The following STAB2 variants were observed in gnomAD, a reference collection of about 807,000 sequenced individuals.
STAB2 encodes stabilin 2.
In STAB2, 288 loss-of-function variants were observed where a neutral mutation model predicts 338.1. The ratio of observed to expected loss-of-function variants is 0.85; its 90% CI spans 0.77 to 0.94. The LOEUF (loss-of-function observed/expected upper bound fraction) is 0.94. Among genes scored for constraint, STAB2 ranks in the 40% least tolerant of loss-of-function variants. STAB2 has a pLI of 0.00. For missense variants in STAB2, 3,141 were observed against 3,210.1 expected (o/e 0.98, Z 0.52); for synonymous variants, 1,202 against 1,193.3 (o/e 1.01, Z -0.15).
At chr12:103,628,653 C>G (rs1407324952) in intron 5 of STAB2, among the ~76,000 whole-genome samples, 3 of 152,168 alleles carry the variant, frequency 2.0e-5, no homozygotes, top group Admixed American at 1.3e-4. Context: ...TCTCGGCCTC[C>G]CTCTTCACAT....
At chr12:103,666,108 G>A (rs546261779) in intron 18 of STAB2, among the ~76,000 whole-genome samples, 183 bp from the exon 19 acceptor site, 1 of 152,340 alleles carries the variant, frequency 6.6e-6, no homozygotes, top group African/African-American at 2.4e-5. Flanking sequence ...CCCACCCCCA[G>A]CGCTGACTTC....
intron 63 of STAB2, chr12:103,757,946 G>A (rs1884257554): frequency 1.7e-6 from 1 of 588,032 alleles, no homozygotes. Flanking sequence ...CGTGGAGGAT[G>A]GGCTGTGACG....
At chr12:103,732,116 C>T (rs1023952194) in intron 50 of STAB2, among the ~76,000 whole-genome samples, 8 of 152,084 alleles carry the variant, frequency 5.3e-5, no homozygotes, top group African/African-American at 1.9e-4. Context: ...TGATACCAGC[C>T]TGGCTAACAT....
chr12:103,672,988 G>A (rs961318072), intron 22 of STAB2, among the ~76,000 whole-genome samples: 6 of 152,106 alleles, frequency 3.9e-5, no homozygotes, highest in African/African-American at 1.4e-4. Flanking sequence ...GAAAAATGGG[G>A]GATATAAAAG....
rs889178151 is a variant in STAB2 at position 103,645,577 on chromosome 12, T to C, written c.1041-3113T>C. On this transcript the variant is annotated intron_variant, in intron 9 of 68. Transcript: ENST00000388887. ...TTATAGTAGGATTAATTTTTAAGAA[T>C]GACTGTTGTCTTATGTCACTTCCCA... Among the ~76,000 whole-genome samples the C allele has an allele frequency of 2.0e-5, 3 of 152,256 alleles. No homozygotes were observed. In the South Asian group the frequency reaches 6.2e-4, roughly 31 times the overall value.
intron 53 of STAB2, 55 bp downstream of exon 53, chr12:103,737,835 T>C (rs1882281984): frequency 2.5e-6 from 4 of 1,606,890 alleles, no homozygotes; most frequent in Admixed American, 3.4e-5. Context: ...AGAATGGCCC[T>C]CATGATCCAG....
intron 17 of STAB2, 96 bp from the exon 18 acceptor site, chr12:103,662,750 T>G: frequency 2.0e-6 from 3 of 1,470,172 alleles, no homozygotes; most frequent in South Asian, 1.4e-5. Flanking sequence ...TGAGGACTTT[T>G]TAGCAAAGTT....
chr12:103,734,581 G>C (rs1298568751), intron 51 of STAB2, among the ~76,000 whole-genome samples: 1 of 152,224 alleles, frequency 6.6e-6, no homozygotes. Context: ...GCCATCCTGA[G>C]TCCTCATCCA....
chr12:103,598,566 T>C (rs1273148694), intron 3 of STAB2, among the ~76,000 whole-genome samples: 1 of 152,220 alleles, frequency 6.6e-6, no homozygotes, highest in Admixed American at 6.5e-5. Context: ...AATGTCAATT[T>C]TACCATAGTT....
At chr12:103,669,844 C>T (rs1875573343) in intron 21 of STAB2, among the ~76,000 whole-genome samples, 1 of 152,176 alleles carries the variant, frequency 6.6e-6, no homozygotes, top group Non-Finnish European at 1.5e-5. Flanking sequence ...GTCTGCTTCT[C>T]TATTGCGGGC....
intron 36 of STAB2, 38 bp downstream of exon 36, chr12:103,704,652 A>G: frequency 1.3e-6 from 2 of 1,580,612 alleles, no homozygotes; most frequent in African/African-American, 2.7e-5. Context: ...TAGTTTCCAG[A>G]TCCGAGGAGT....
intron 3 of STAB2, among the ~76,000 whole-genome samples, chr12:103,604,092 C>T (rs1956991916): frequency 6.6e-6 from 1 of 152,066 alleles, no homozygotes; most frequent in South Asian, 2.1e-4. Context: ...TTGATGTGTT[C>T]TAATAACTTT....
chr12:103,728,721 A>G, intron 47 of STAB2, 128 bp from the exon 48 acceptor site: 1 of 1,198,400 alleles, frequency 8.3e-7, no homozygotes, highest in Non-Finnish European at 1.2e-6. Context: ...CTGACCACAA[A>G]GCTTACTTCC....
chr12:103,693,039 A>G, intron 31 of STAB2, 150 bp downstream of exon 31: 2 of 553,326 alleles, frequency 3.6e-6, no homozygotes, highest in Non-Finnish European at 6.3e-6. Flanking sequence ...TTTTAAAACC[A>G]TCAAGAGAGT....
Position 103,761,379 on chromosome 12 carries a change from C to T in STAB2, c.7328C>T (p.Ser2443Phe), listed in dbSNP as rs987752156. The change falls in exon 66 of 69, where the codon TCC becomes TTC. Residue 2443 changes from serine (S) to phenylalanine (F), a missense_variant. Coordinates refer to ENST00000388887, the MANE Select transcript of STAB2 (RefSeq NM_017564.10). ...FASNGIIHVI[S>F]RPLKAPPAPV... is the part of the protein sequence containing the mutation. Reference sequence around the variant, plus strand: ...TCCAATGGGATCATTCATGTCATTTCCAGGCCTTTAAAAGCACCCCCTGCC... The same window carrying T: ...TCCAATGGGATCATTCATGTCATTTTCAGGCCTTTAAAAGCACCCCCTGCC... 2 of 1,613,858 alleles carry T rather than the reference C, an allele frequency of 1.2e-6. No individual in the cohort carries two copies. The highest frequency in any genetic ancestry group is 1.3e-5 in the African/African-American group (1 of 74,868).
At chr12:103,701,748 C>G (rs912037113) in intron 34 of STAB2, among the ~76,000 whole-genome samples, 1 of 152,104 alleles carries the variant, frequency 6.6e-6, no homozygotes, top group African/African-American at 2.4e-5. Context: ...CCTTGGAACA[C>G]CTCTGTGGAG....
At chr12:103,735,878 T>C (rs1202342478) in intron 52 of STAB2, among the ~76,000 whole-genome samples, 1 of 152,170 alleles carries the variant, frequency 6.6e-6, no homozygotes, top group Admixed American at 6.5e-5. Context: ...CAATGTGAGA[T>C]ACTTTCCTGA....
At chr12:103,639,385 C>T (rs1057476272) in intron 8 of STAB2, among the ~76,000 whole-genome samples, 7 of 152,070 alleles carry the variant, frequency 4.6e-5, no homozygotes, top group East Asian at 1.9e-4. Flanking sequence ...CTGGTAGCAC[C>T]GCCTCCTCCC....
chr12:103,735,107 G>A (rs1593300947), intron 51 of STAB2, among the ~76,000 whole-genome samples: 1 of 152,306 alleles, frequency 6.6e-6, no homozygotes, highest in East Asian at 1.9e-4. Context: ...CTGGGGGTCA[G>A]GACTTCAACA....
Sources: gnomAD v4.1 joint callset for allele counts (sites outside exome capture counted in the v4.1 genomes callset) on GRCh38, gnomAD v4.1.1 for gene constraint, MANE v1.5 for transcripts, NCBI Gene and HGNC (gene_info 2026-07-23, HGNC 2026-07-21) for gene names.